RIMS1: variants seen among roughly 807,000 people sequenced by gnomAD.
The protein encoded by RIMS1 is regulating synaptic membrane exocytosis protein 1.
In RIMS1, 83 loss-of-function variants were observed where a neutral mutation model predicts 214.1. The observed-to-expected ratio is 0.39, with a 90% CI of 0.32 to 0.47. The LOEUF is 0.47. Ranked by LOEUF, RIMS1 falls within the 20% of genes least tolerant of loss-of-function variation. The probability of loss-of-function intolerance (pLI) is 0.99; values close to 1 mark genes in which losing one functional copy is unlikely to be tolerated. For missense variants in RIMS1, 2,050 were observed against 2,161.8 expected (o/e 0.95, Z 1.03); for synonymous variants, 793 against 786.8 (o/e 1.01, Z -0.13).
intron 19 of RIMS1, chr6:72,263,631 G>A: frequency 1.0e-6 from 1 of 985,280 alleles, no homozygotes; most frequent in Non-Finnish European, 1.2e-6. Flanking sequence ...TTTGCCTGAG[G>A]TTAGGAGTTG....
rs145370139 is a variant in RIMS1, at chr6:72,003,610, C to CTGTG, written c.245+34563_245+34566dup. On this transcript the variant is annotated intron_variant, in intron 2 of 33. Coordinates refer to ENST00000521978, the MANE Select transcript of RIMS1 (RefSeq NM_014989.7). ...TACAATTTTGCTTGCAGGTGTGTGT[C>CTGTG]TGTGTGTGTGTGTGTGTGTCTGTGT... Among the ~76,000 whole-genome samples the CTGTG allele has an allele frequency of 2.7e-5, 4 of 149,186 alleles. No homozygotes were observed. In the East Asian group the frequency reaches 7.9e-4, roughly 29 times the overall value.
chr6:72,113,649 A>G (rs1260787338), intron 4 of RIMS1, among the ~76,000 whole-genome samples: 1 of 144,554 alleles, frequency 6.9e-6, no homozygotes, highest in Non-Finnish European at 1.6e-5. Context: ...ATATATTCAA[A>G]TATTACTTTA....
At chr6:71,951,221 A>G (rs916759329) in intron 1 of RIMS1, among the ~76,000 whole-genome samples, 12 of 152,138 alleles carry the variant, frequency 7.9e-5, no homozygotes, top group African/African-American at 2.7e-4. Context: ...ATGGTAAATG[A>G]AGACTTGTTT....
chr6:72,028,602 G>A (rs987562413), intron 2 of RIMS1, among the ~76,000 whole-genome samples: 4 of 152,166 alleles, frequency 2.6e-5, no homozygotes, highest in African/African-American at 9.7e-5. Flanking sequence ...CATTGGTGAT[G>A]AGTCAACACA....
chr6:72,400,375 A>G, intron 33 of RIMS1, 121 bp from the exon 34 acceptor site: 2 of 747,220 alleles, frequency 2.7e-6, no homozygotes, highest in Admixed American at 2.1e-5. Context: ...TGATAGTTGT[A>G]TTCATTATTC....
chr6:72,078,864 T>C (rs1489405179), intron 2 of RIMS1, among the ~76,000 whole-genome samples: 1 of 152,096 alleles, frequency 6.6e-6, no homozygotes, highest in Non-Finnish European at 1.5e-5. Flanking sequence ...TTTTTATATA[T>C]TTATATGTGT....
intron 2 of RIMS1, among the ~76,000 whole-genome samples, chr6:72,054,578 G>A (rs184012685): frequency 3.4e-4 from 52 of 151,952 alleles, no homozygotes; most frequent in Non-Finnish European, 5.2e-4. Flanking sequence ...CCACAGCCTC[G>A]CCAACATCTA....
At chr6:72,297,637 T>C (rs1391086299) in intron 26 of RIMS1, among the ~76,000 whole-genome samples, 1 of 151,906 alleles carries the variant, frequency 6.6e-6, no homozygotes, top group Non-Finnish European at 1.5e-5. Context: ...GGAAACAGGA[T>C]GTAGAAATGC....
intron 1 of RIMS1, among the ~76,000 whole-genome samples, chr6:71,925,867 G>A (rs1331948896): frequency 6.6e-6 from 1 of 152,126 alleles, no homozygotes; most frequent in African/African-American, 2.4e-5. Flanking sequence ...TTATTTTACA[G>A]GTATTATCCC....
intron 10 of RIMS1, among the ~76,000 whole-genome samples, chr6:72,244,043 T>C (rs2068224857): frequency 6.6e-6 from 1 of 151,512 alleles, no homozygotes. Flanking sequence ...TAATATTTAA[T>C]GTAGTCCTGT....
chr6:72,264,802 A>T, intron 19 of RIMS1, among the ~76,000 whole-genome samples, 173 bp from the exon 20 acceptor site: 1 of 152,128 alleles, frequency 6.6e-6, no homozygotes, highest in East Asian at 1.9e-4. Flanking sequence ...ATGATTTCAT[A>T]TTTTAATAAT....
At chr6:72,007,211 C>G (rs186382405) in intron 2 of RIMS1, among the ~76,000 whole-genome samples, 41 of 152,328 alleles carry the variant, frequency 2.7e-4, no homozygotes, top group Admixed American at 8.5e-4. Context: ...CCCAGGCAAA[C>G]AGGGTCTGGA....
chr6:72,203,524 AC>A (rs1248053691), intron 6 of RIMS1, among the ~76,000 whole-genome samples: 1 of 152,216 alleles, frequency 6.6e-6, no homozygotes, highest in Non-Finnish European at 1.5e-5. Context: ...CCCAGAGGTT[AC>A]AGGTTGAGGG....
intron 6 of RIMS1, among the ~76,000 whole-genome samples, chr6:72,194,275 G>C (rs2050520809): frequency 6.6e-6 from 1 of 151,510 alleles, no homozygotes; most frequent in Non-Finnish European, 1.5e-5. Context: ...ATCTCAGGTG[G>C]GGGAAGATTA....
At chr6:71,918,194 G>A (rs150464317) in intron 1 of RIMS1, among the ~76,000 whole-genome samples, 163 of 152,212 alleles carry the variant, frequency 1.1e-3, no homozygotes, top group Admixed American at 2.3e-3. Context: ...GTGAAGATTA[G>A]CTGTGGGAGT....
chr6:72,282,895 C>G (rs1453973168), intron 23 of RIMS1, among the ~76,000 whole-genome samples: 1 of 152,030 alleles, frequency 6.6e-6, no homozygotes, highest in Non-Finnish European at 1.5e-5. Flanking sequence ...AAACACACAG[C>G]TGAAACCCTG....
rs141096341 is a variant in RIMS1 at position 71,939,525 on chromosome 6, T to G, written c.165-29458T>G. On this transcript the variant is annotated intron_variant, in intron 1 of 33. Coordinates refer to ENST00000521978, the MANE Select transcript of RIMS1 (RefSeq NM_014989.7). ...TTACAGACTATCACAGACTAGATAATTTATTAAAAATAGAGGTATATTTGC... is the reference window on the plus strand; with the variant it reads ...TTACAGACTATCACAGACTAGATAAGTTATTAAAAATAGAGGTATATTTGC... Among the ~76,000 whole-genome samples the G allele has an allele frequency of 3.8e-3, 582 of 152,330 alleles. 2 individuals are homozygous for G. Among genetic ancestry groups the G allele is most frequent in the Admixed American group, 0.021 (323 of 15,308 alleles).
intron 2 of RIMS1, among the ~76,000 whole-genome samples, chr6:72,060,476 T>C (rs1376429220): frequency 6.6e-6 from 1 of 152,240 alleles, no homozygotes; most frequent in Non-Finnish European, 1.5e-5. Context: ...CTTCCTGTTC[T>C]GGCCTCTACC....
At chr6:72,190,760 A>C (rs1230801805) in intron 6 of RIMS1, among the ~76,000 whole-genome samples, 1 of 152,168 alleles carries the variant, frequency 6.6e-6, no homozygotes, top group Non-Finnish European at 1.5e-5. Context: ...CATATATGCC[A>C]CTTCCATTTG....
Sources: gnomAD v4.1 joint callset for allele counts (sites outside exome capture counted in the v4.1 genomes callset) on GRCh38, gnomAD v4.1.1 for gene constraint, MANE v1.5 for transcripts, NCBI Gene and HGNC (gene_info 2026-07-23, HGNC 2026-07-21) for gene names.